FANCD2: variants seen among roughly 807,000 people sequenced by gnomAD.
FANCD2 encodes Fanconi anemia group D2 protein.
FANCD2 carries 131 observed loss-of-function variants against 192.3 expected under a neutral mutation model. The ratio of observed to expected loss-of-function variants is 0.68; its 90% CI spans 0.59 to 0.79. FANCD2 has a LOEUF of 0.79. Among genes scored for constraint, FANCD2 ranks in the 30% least tolerant of loss-of-function variants. The pLI is 0.00. For synonymous variants in FANCD2, 524 were observed against 612.5 expected, an observed-to-expected ratio of 0.86 and a Z score of 2.13; for missense variants, 1,508 against 1,701.6, an observed-to-expected ratio of 0.89 and a Z score of 2.00.
chr3:10,088,751 C>G, intron 35 of FANCD2, 77 bp from the exon 36 acceptor site: 1 of 1,477,740 alleles, frequency 6.8e-7, no homozygotes, highest in Non-Finnish European at 9.4e-7. Context: ...TAATTCAGAT[C>G]ATAGAGGAAT....
chr3:10,073,359 C>T lies in FANCD2; in HGVS notation c.2712C>T (p.Asn904=), dbSNP rs35594075. The change falls in exon 28 of 44, where the codon AAC becomes AAT. Residue 904 remains asparagine (N), a synonymous_variant. Coordinates refer to ENST00000675286, the MANE Select transcript of FANCD2 (RefSeq NM_001018115.3). ...CGCCATCTCATAGAGGCCAGCTAAACAAGGTATTGGAATGATGGGTATCCG... is the reference window on the plus strand; with the variant it reads ...CGCCATCTCATAGAGGCCAGCTAAATAAGGTATTGGAATGATGGGTATCCG... ...DPTPSHRGQL[N]KEFTGKEEKT... 5.4e-3 allele frequency: 8,723 copies of T among 1,604,542 alleles called. 429 individuals are homozygous for T. The African/African-American group carries it at 0.1, about 19-fold the overall frequency.
chr3:10,044,701 T>G (rs993307869), intron 14 of FANCD2, among the ~76,000 whole-genome samples: 5 of 152,180 alleles, frequency 3.3e-5, no homozygotes, highest in African/African-American at 1.2e-4. Context: ...TTATCCAATT[T>G]TGGGATGATT....
intron 14 of FANCD2, among the ~76,000 whole-genome samples, chr3:10,044,570 G>C (rs1428356054): frequency 1.3e-5 from 2 of 151,948 alleles, no homozygotes; most frequent in Admixed American, 1.3e-4. Context: ...CTGGGCGACA[G>C]TGCAAGACTC....
chr3:10,086,132 G>A (rs35770561), intron 33 of FANCD2, among the ~76,000 whole-genome samples: 35 of 152,320 alleles, frequency 2.3e-4, no homozygotes, highest in African/African-American at 8.2e-4. Flanking sequence ...AAATCTTCAT[G>A]AATGCATCAG....
intron 18 of FANCD2, among the ~76,000 whole-genome samples, chr3:10,053,061 A>G (rs1575769695): frequency 6.9e-6 from 1 of 145,798 alleles, no homozygotes; most frequent in African/African-American, 2.6e-5. Context: ...TCATGCTGCT[A>G]TAAAGACACA....
chr3:10,056,080 T>C (rs1386768424), intron 18 of FANCD2, among the ~76,000 whole-genome samples: 2 of 152,194 alleles, frequency 1.3e-5, no homozygotes, highest in South Asian at 2.1e-4. Context: ...GATTTTGCCA[T>C]GTTGGCCAGG....
At chr3:10,088,363 G>T (rs1694362025) in intron 34 of FANCD2, 86 bp from the exon 35 acceptor site, 5 of 866,094 alleles carry the variant, frequency 5.8e-6, no homozygotes, top group African/African-American at 1.7e-5. Context: ...TAATCCTTTT[G>T]ATCAATAATC....
intron 34 of FANCD2, among the ~76,000 whole-genome samples, 179 bp downstream of exon 34, chr3:10,087,443 T>C (rs891504661): frequency 6.6e-6 from 1 of 152,018 alleles, no homozygotes; most frequent in African/African-American, 2.4e-5. Flanking sequence ...TGATTTCTGC[T>C]AAAATTGCTT....
intron 18 of FANCD2, among the ~76,000 whole-genome samples, chr3:10,053,337 A>T (rs552637330): frequency 1.0e-4 from 14 of 137,768 alleles, no homozygotes; most frequent in Middle Eastern, 3.6e-3. Flanking sequence ...GTGAGAACAC[A>T]TGGGCACAGG....
rs368441247 is a variant in FANCD2 at position 10,047,955 on chromosome 3, T to A, written c.1317T>A (p.Ala439=). The change falls in exon 16 of 44, where the codon GCT becomes GCA. Residue 439 remains alanine, a synonymous_variant. Transcript: ENST00000675286. ...KDMCSSILSL[A]QSLLHSLDQS... Reference sequence around the variant, plus strand: ...TGTGTTCATCCATTCTGTCGCTGGCTCAGAGTTTGCTTCACTCTCTAGACC... The same window carrying A: ...TGTGTTCATCCATTCTGTCGCTGGCACAGAGTTTGCTTCACTCTCTAGACC... 4.6e-5 allele frequency: 74 copies of A among 1,613,654 alleles called. No homozygotes were observed. In the South Asian group the frequency reaches 6.5e-4, roughly 14 times the overall value.
chr3:10,099,684 G>A (rs1184673729), intron 43 of FANCD2: 1 of 152,920 alleles, frequency 6.5e-6, no homozygotes, highest in Admixed American at 6.5e-5. Context: ...CTTGAACCTG[G>A]GAGGTGGAGG....
chr3:10,088,688 G>T, intron 35 of FANCD2, 140 bp from the exon 36 acceptor site: 1 of 1,114,684 alleles, frequency 9.0e-7, no homozygotes, highest in Non-Finnish European at 1.4e-6. Flanking sequence ...TGGAACATGT[G>T]GATCTTAAGA....
At chr3:10,028,577 A>G in intron 1 of FANCD2, 48 bp from the exon 2 acceptor site, 1 of 1,269,110 alleles carries the variant, frequency 7.9e-7, no homozygotes, top group Non-Finnish European at 1.2e-6. Context: ...TTAACTTCTC[A>G]GAATTTATCT....
chr3:10,057,105 C>G (rs748387237), intron 18 of FANCD2, among the ~76,000 whole-genome samples: 4 of 152,204 alleles, frequency 2.6e-5, no homozygotes, highest in Admixed American at 2.6e-4. Context: ...ATCCACCCAC[C>G]TCTGCCTCCC....
chr3:10,029,189 C>T (rs1473251727), intron 2 of FANCD2, among the ~76,000 whole-genome samples: 1 of 152,100 alleles, frequency 6.6e-6, no homozygotes, highest in African/African-American at 2.4e-5. Context: ...TGACAAAGAT[C>T]CCAAGAGTTC....
At chr3:10,030,725 C>T (rs146306616) in intron 2 of FANCD2, among the ~76,000 whole-genome samples, 28 of 152,070 alleles carry the variant, frequency 1.8e-4, no homozygotes, top group African/African-American at 6.5e-4. Context: ...CATAGTGAAA[C>T]CCCATCTCTA....
chr3:10,037,666 C>T (rs1482461586), intron 7 of FANCD2: 1 of 151,968 alleles, frequency 6.6e-6, no homozygotes, highest in Non-Finnish European at 1.5e-5. Flanking sequence ...AAAAAGATTA[C>T]TCTTTAAAAT....
intron 18 of FANCD2, among the ~76,000 whole-genome samples, chr3:10,054,363 A>ATACATG (rs1417956508): frequency 9.2e-6 from 1 of 109,270 alleles, no homozygotes; most frequent in African/African-American, 5.6e-5. Context: ...GTATATATAT[A>ATACATG]TATACGTGTA....
intron 10 of FANCD2, 128 bp downstream of exon 10, chr3:10,041,838 C>A (rs1455042801): frequency 9.5e-6 from 6 of 633,494 alleles, no homozygotes; most frequent in Admixed American, 5.0e-5. Flanking sequence ...CATTTGATAT[C>A]TCTCTTTTTT....
Sources: allele counts gnomAD v4.1 joint callset (sites outside exome capture counted in the v4.1 genomes callset), GRCh38; gene constraint gnomAD v4.1.1; transcripts MANE v1.5; gene names NCBI Gene and HGNC (gene_info 2026-07-23, HGNC 2026-07-21).